The following RPH3AL variants were observed in gnomAD, a reference collection of about 807,000 sequenced individuals.
The protein encoded by RPH3AL is rabphilin 3A like (without C2 domains).
In RPH3AL, 38 loss-of-function variants were observed where a neutral mutation model predicts 43.1. The ratio of observed to expected loss-of-function variants is 0.88; its 90% CI spans 0.68 to 1.15. RPH3AL has a LOEUF of 1.15. RPH3AL is among the 50% of genes most tolerant of loss of function. The pLI is 0.00. For synonymous variants in RPH3AL, 189 were observed against 176.3 expected (o/e 1.07, Z -0.57); for missense variants, 462 against 423.2 (o/e 1.09, Z -0.81).
intron 5 of RPH3AL, among the ~76,000 whole-genome samples, chr17:314,046 G>C (rs1416135671): frequency 1.3e-5 from 2 of 152,166 alleles, no homozygotes; most frequent in Non-Finnish European, 1.5e-5. Context: ...CTCCAGAGTA[G>C]CGTGGGGACC....
At chr17:310,586 C>A (rs893464703) in intron 5 of RPH3AL, among the ~76,000 whole-genome samples, 3 of 152,146 alleles carry the variant, frequency 2.0e-5, no homozygotes, top group African/African-American at 2.4e-5. Flanking sequence ...AGGGAGGTGG[C>A]CCAGAAACCG....
At chr17:319,610 A>G in intron 4 of RPH3AL, 61 bp from the exon 5 acceptor site, 9 of 1,592,662 alleles carry the variant, frequency 5.7e-6, no homozygotes, top group Non-Finnish European at 6.8e-6. Flanking sequence ...AGTTGCACTG[A>G]GGCCCGAAAC....
Position 240,040 on chromosome 17 carries a change from C to G in RPH3AL, c.613+7071G>C, listed in dbSNP as rs34459111. Among the ~76,000 whole-genome samples, 1,238 of 152,204 alleles carry G rather than the reference C, an allele frequency of 8.1e-3. 15 individuals are homozygous for G. The highest frequency in any genetic ancestry group is 0.011 in the Non-Finnish European group (744 of 67,996). ...ATCACCTGATGTCAGGAGTTCAAGA[C>G]CATCCTGACCAACATGGAGAAACCC... On this transcript the variant is annotated intron_variant, in intron 7 of 9. Transcript: ENST00000331302.
At chr17:316,486 C>G (rs2044199888) in intron 5 of RPH3AL, among the ~76,000 whole-genome samples, 1 of 151,142 alleles carries the variant, frequency 6.6e-6, no homozygotes, top group Non-Finnish European at 1.5e-5. Context: ...TGCCCCACCT[C>G]CACTGACCTG....
Position 243,505 on chromosome 17 carries a change from A to AC in RPH3AL, c.613+3605_613+3606insG, listed in dbSNP as rs1555538172. On this transcript the variant is annotated intron_variant, in intron 7 of 9. Transcript: ENST00000331302. ...CTCTATTGACTACCTTCCTCTATTG[A>AC]TTACCTTCCTCTATTGATTACCTTT... 6.1e-3 allele frequency among the ~76,000 whole-genome samples: 815 copies of AC among 133,754 alleles called. 42 individuals are homozygous for AC. The highest frequency in any genetic ancestry group is 9.7e-3 in the Non-Finnish European group (625 of 64,190). 87.7% of individuals were successfully genotyped at this position (133,754 alleles called of 152,430 possible).
chr17:228,902 C>T (rs897332170), intron 7 of RPH3AL, among the ~76,000 whole-genome samples: 3 of 152,236 alleles, frequency 2.0e-5, no homozygotes, highest in Non-Finnish European at 4.4e-5. Context: ...TCACTCTCAG[C>T]AGCTAGGGTT....
intron 1 of RPH3AL, among the ~76,000 whole-genome samples, chr17:345,094 C>A (rs910515428): frequency 7.5e-6 from 1 of 133,956 alleles, no homozygotes; most frequent in African/African-American, 2.6e-5. Context: ...CATGGTGAAA[C>A]CTTGTCTCTG....
intron 6 of RPH3AL, among the ~76,000 whole-genome samples, chr17:276,486 G>A (rs1243974084): frequency 6.6e-6 from 1 of 152,182 alleles, no homozygotes; most frequent in African/African-American, 2.4e-5. Flanking sequence ...CCACCCCCCG[G>A]GCAGAAGTGA....
chr17:272,967 T>TGAGACCCCAGCAAGGGCGACATCAGGGA (rs2042523386), intron 6 of RPH3AL, among the ~76,000 whole-genome samples: 1 of 50,458 alleles, frequency 2.0e-5, no homozygotes, highest in African/African-American at 9.0e-5. Context: ...TACGTCAGGG[T>TGAGACCCCAGCAAGGGCGACATCAGGGA]GAGACCCCAG....
At chr17:270,566 C>A (rs1410817368) in intron 6 of RPH3AL, among the ~76,000 whole-genome samples, 2 of 152,152 alleles carry the variant, frequency 1.3e-5, no homozygotes. Context: ...AAAAACCAAC[C>A]CTGCCAGGCA....
rs1214104206 is a variant in RPH3AL, at chr17:344,282, C to T, written c.-213+8430G>A. ...CCATCAGTCACCATCACCACCATCA[C>T]TGTCATCTCGGTTACCACCACCATC... is the stretch of plus-strand genomic sequence containing the variant. On this transcript the variant is annotated intron_variant, in intron 1 of 9. Coordinates refer to ENST00000331302, the MANE Select transcript of RPH3AL (RefSeq NM_006987.4). 1.5e-5 allele frequency among the ~76,000 whole-genome samples: 2 copies of T among 131,312 alleles called. 1 individual carries two copies. Among genetic ancestry groups the T allele is most frequent in the Non-Finnish European group, 3.4e-5 (2 of 58,012 alleles). The allele number at this position is 131,312 out of a possible 152,430, so 86.1% of individuals were successfully genotyped here. A position where few individuals can be genotyped will look rare whatever the true frequency, so the allele number is the denominator to read the frequency against.
At chr17:325,363 G>A (rs543277425) in intron 3 of RPH3AL, among the ~76,000 whole-genome samples, 250 of 152,218 alleles carry the variant, frequency 1.6e-3, no homozygotes, top group African/African-American at 5.9e-3. Context: ...ACCAGGCCCT[G>A]CCCCTGGCCC....
chr17:227,307 C>T (rs949792569), intron 7 of RPH3AL, among the ~76,000 whole-genome samples: 10 of 149,916 alleles, frequency 6.7e-5, no homozygotes, highest in African/African-American at 2.4e-4. Flanking sequence ...ACCATGGAAA[C>T]GCAGGGTTTT....
At chr17:303,438 A>G (rs12453473) in intron 5 of RPH3AL, among the ~76,000 whole-genome samples, 8,864 of 147,504 alleles carry the variant, frequency 0.06, 547 homozygotes, top group East Asian at 0.26. Context: ...TTTGCAATGA[A>G]TTAGATCACC....
At chr17:249,676 CA>C (rs35942725) in intron 6 of RPH3AL, among the ~76,000 whole-genome samples, 2,523 of 90,332 alleles carry the variant, frequency 0.028, 36 homozygotes, top group African/African-American at 0.077. Flanking sequence ...AGAGTCAAGC[CA>C]AAAAAAAAAA....
At chr17:304,689 T>A (rs1390417818) in intron 5 of RPH3AL, among the ~76,000 whole-genome samples, 1 of 152,124 alleles carries the variant, frequency 6.6e-6, no homozygotes, top group East Asian at 1.9e-4. Context: ...CTGGCTGGAC[T>A]CCTGCAAACC....
chr17:319,163 C>T (rs1486450697), intron 5 of RPH3AL, among the ~76,000 whole-genome samples: 3 of 152,348 alleles, frequency 2.0e-5, no homozygotes, highest in South Asian at 4.1e-4. Flanking sequence ...TGACTTCTAA[C>T]ACCAGCTCTG....
At chr17:325,149 C>G (rs1187517784) in intron 3 of RPH3AL, among the ~76,000 whole-genome samples, 4 of 152,226 alleles carry the variant, frequency 2.6e-5, no homozygotes, top group African/African-American at 4.8e-5. Flanking sequence ...GCGTGAGCCA[C>G]CGCGACCGGC....
At chr17:315,912 G>T in intron 5 of RPH3AL, among the ~76,000 whole-genome samples, 1 of 142,052 alleles carries the variant, frequency 7.0e-6, no homozygotes, top group Non-Finnish European at 1.5e-5. Flanking sequence ...CACCTCCACT[G>T]ATGTGTAGTC....
Sources: allele counts gnomAD v4.1 joint callset (sites outside exome capture counted in the v4.1 genomes callset), GRCh38; gene constraint gnomAD v4.1.1; transcripts MANE v1.5; gene names NCBI Gene and HGNC (gene_info 2026-07-23, HGNC 2026-07-21).